The following DLG2 variants were observed in gnomAD, a reference collection of about 807,000 sequenced individuals.
The protein encoded by DLG2 is discs large MAGUK scaffold protein 2.
In DLG2, 45 loss-of-function variants were observed where a neutral mutation model predicts 132.5. The ratio of observed to expected loss-of-function variants is 0.34; its 90% CI spans 0.27 to 0.44. The LOEUF is 0.44. DLG2 is among the 20% of genes least tolerant of loss of function. DLG2 has a pLI of 1.00. For missense variants in DLG2, 1,045 were observed against 1,196.9 expected, an observed-to-expected ratio of 0.87 and a Z score of 1.87; for synonymous variants, 424 against 419.6, an observed-to-expected ratio of 1.01 and a Z score of -0.13.
At chr11:84,458,616 A>C (rs1333332272) in intron 7 of DLG2, among the ~76,000 whole-genome samples, 1 of 150,724 alleles carries the variant, frequency 6.6e-6, no homozygotes. Context: ...TTAGAGTTTA[A>C]ATATAATAAC....
At chr11:84,209,074 G>C (rs1462822246) in intron 8 of DLG2, among the ~76,000 whole-genome samples, 1 of 152,146 alleles carries the variant, frequency 6.6e-6, no homozygotes, top group Admixed American at 6.5e-5. Context: ...TGTCCCTTGA[G>C]AGAATCTGGA....
intron 6 of DLG2, among the ~76,000 whole-genome samples, chr11:84,686,530 T>G (rs1272259153): frequency 1.3e-5 from 2 of 151,874 alleles, no homozygotes; most frequent in African/African-American, 4.8e-5. Flanking sequence ...CTCCAATCCC[T>G]AAAGTTACAT....
At chr11:85,086,216 TC>T (rs1180184304) in intron 6 of DLG2, among the ~76,000 whole-genome samples, 1 of 152,142 alleles carries the variant, frequency 6.6e-6, no homozygotes, top group African/African-American at 2.4e-5. Context: ...CTGGAAGCCA[TC>T]CATCATAATC....
chr11:83,695,468 T>G (rs1456865821), intron 18 of DLG2, among the ~76,000 whole-genome samples: 2 of 152,082 alleles, frequency 1.3e-5, no homozygotes, highest in African/African-American at 2.4e-5. Context: ...CCTAGCTGGG[T>G]GCAGTGGCTC....
intron 10 of DLG2, among the ~76,000 whole-genome samples, chr11:84,091,159 C>T (rs1478134021): frequency 1.3e-5 from 2 of 152,152 alleles, no homozygotes; most frequent in Admixed American, 6.5e-5. Context: ...ACAAATATCA[C>T]GGCCATAAAC....
intron 17 of DLG2, among the ~76,000 whole-genome samples, chr11:83,794,437 GTT>G (rs200672667): frequency 2.1e-3 from 269 of 127,320 alleles, no homozygotes; most frequent in Non-Finnish European, 3.0e-3. Flanking sequence ...TTTACTATTG[GTT>G]TTTTTTTTTT....
chr11:84,432,385 A>G (rs1304050491), intron 7 of DLG2, among the ~76,000 whole-genome samples: 1 of 152,202 alleles, frequency 6.6e-6, no homozygotes, highest in East Asian at 1.9e-4. Flanking sequence ...TGGGTTTTGT[A>G]GATTATATTA....
At chr11:83,477,520 T>TAA (rs1195949559) in intron 22 of DLG2, among the ~76,000 whole-genome samples, 21 of 152,104 alleles carry the variant, frequency 1.4e-4, no homozygotes, top group Non-Finnish European at 1.5e-5. Context: ...AGGAAACATG[T>TAA]AAGACTTTGA....
intron 7 of DLG2, among the ~76,000 whole-genome samples, chr11:84,302,559 T>C (rs139422962): frequency 6.6e-6 from 1 of 152,280 alleles, no homozygotes; most frequent in Non-Finnish European, 1.5e-5. Flanking sequence ...TGAAGATACA[T>C]ATACAGAGAC....
At chr11:83,700,702 G>C (rs1278754269) in intron 18 of DLG2, among the ~76,000 whole-genome samples, 1 of 151,360 alleles carries the variant, frequency 6.6e-6, no homozygotes, top group Admixed American at 6.6e-5. Flanking sequence ...CATCTTGCGG[G>C]ATTAATTGAA....
At chr11:84,677,258 G>C (rs555713657) in intron 6 of DLG2, among the ~76,000 whole-genome samples, 2 of 152,022 alleles carry the variant, frequency 1.3e-5, no homozygotes, top group African/African-American at 4.8e-5. Flanking sequence ...GCATCCCCAA[G>C]ATAAGTGCAT....
intron 3 of DLG2, among the ~76,000 whole-genome samples, chr11:85,430,391 G>A (rs553928797): frequency 6.6e-6 from 1 of 151,978 alleles, no homozygotes; most frequent in Non-Finnish European, 1.5e-5. Flanking sequence ...TTACATGATT[G>A]AAATGTTAAT....
At chr11:84,565,182 C>T (rs1241331319) in intron 6 of DLG2, among the ~76,000 whole-genome samples, 1 of 152,106 alleles carries the variant, frequency 6.6e-6, no homozygotes, top group Non-Finnish European at 1.5e-5. Context: ...TCCATATACA[C>T]AGGTGTAAAT....
chr11:85,340,783 T>A (rs2082438280), intron 3 of DLG2, among the ~76,000 whole-genome samples: 1 of 152,212 alleles, frequency 6.6e-6, no homozygotes, highest in Non-Finnish European at 1.5e-5. Context: ...AATTTATCAA[T>A]CTTTTCTTTC....
At chr11:84,910,762 AAACAACAAC>A (rs59825403) in intron 6 of DLG2, among the ~76,000 whole-genome samples, 136 of 141,408 alleles carry the variant, frequency 9.6e-4, no homozygotes, top group South Asian at 2.3e-3. Flanking sequence ...AAGGAAGAAA[AAACAACAAC>A]AACAACAACA....
chr11:85,124,433 C>T (rs574592909), intron 5 of DLG2, among the ~76,000 whole-genome samples: 1 of 152,182 alleles, frequency 6.6e-6, no homozygotes, highest in Non-Finnish European at 1.5e-5. Flanking sequence ...GTACTTCGTA[C>T]TTTTCAAATA....
At chr11:83,923,319 A>G (rs550009574) in intron 15 of DLG2, among the ~76,000 whole-genome samples, 8 of 152,262 alleles carry the variant, frequency 5.3e-5, no homozygotes, top group Admixed American at 4.6e-4. Flanking sequence ...CAATCCTATG[A>G]GGGGAACAGC....
chr11:83,666,410 T>A (rs1024041675), intron 18 of DLG2, among the ~76,000 whole-genome samples: 3 of 152,160 alleles, frequency 2.0e-5, no homozygotes, highest in African/African-American at 7.2e-5. Context: ...ATCTGTGGTT[T>A]CATTAGATTC....
rs187483298 is a variant in DLG2, at chr11:85,126,118, T to C, written c.283-14383A>G. Among the ~76,000 whole-genome samples, 476 of 152,286 alleles carry C rather than the reference T, an allele frequency of 3.1e-3. 1 individual carries two copies. The highest frequency in any genetic ancestry group is 0.011 in the African/African-American group (462 of 41,558). ...CCGAAACCAAAACATGGTTGACACC[T>C]TCAAAGAACGGCGGGAAGCCAGCAA... is the stretch of plus-strand genomic sequence containing the variant. On this transcript the variant is annotated intron_variant, in intron 5 of 27. Coordinates refer to ENST00000376104, the MANE Select transcript of DLG2 (RefSeq NM_001142699.3).
Sources: allele counts gnomAD v4.1 joint callset (sites outside exome capture counted in the v4.1 genomes callset), GRCh38; gene constraint gnomAD v4.1.1; transcripts MANE v1.5; gene names NCBI Gene and HGNC (gene_info 2026-07-23, HGNC 2026-07-21).